The following DDX6 variants were observed in gnomAD, a reference collection of about 807,000 sequenced individuals.
DDX6 encodes the protein DEAD-box helicase 6.
Under a neutral mutation model 60.6 loss-of-function variants are expected in DDX6, and 7 were observed. The observed-to-expected ratio is 0.12, with a 90% confidence interval of 0.07 to 0.22. The LOEUF is 0.22. Among genes scored for constraint, DDX6 ranks in the 10% least tolerant of loss-of-function variants. The pLI, the probability that DDX6 is intolerant of heterozygous loss-of-function variation, is 1.00. For missense variants in DDX6, 270 were observed against 589.9 expected (o/e 0.46, Z 5.62); for synonymous variants, 207 against 201.0 (o/e 1.03, Z -0.25).
At chr11:118,785,176 G>C (rs1416789406) in intron 2 of DDX6, among the ~76,000 whole-genome samples, 4 of 152,072 alleles carry the variant, frequency 2.6e-5, no homozygotes, top group African/African-American at 9.7e-5. Context: ...TTCAAATATT[G>C]TAATTTAAAC....
In DDX6 at chr11:118,749,506, T is replaced by A. The variant is rs1860680799; in HGVS notation, c.*2599A>T. 1 of 152,264 alleles carries A rather than the reference T, an allele frequency of 6.6e-6. No individual in the cohort carries two copies. Among genetic ancestry groups the A allele is most frequent in the Non-Finnish European group, 1.5e-5 (1 of 68,022 alleles). The allele number at this position is 152,264 out of a possible 1,614,324, so 9.4% of individuals were successfully genotyped here. A position where few individuals can be genotyped will look rare whatever the true frequency, so the allele number is the denominator to read the frequency against. On this transcript the variant is annotated 3_prime_UTR_variant, in exon 14 of 14. Coordinates refer to ENST00000534980, the MANE Select transcript of DDX6 (RefSeq NM_004397.6). The stretch of plus-strand genomic sequence containing the variant: ...TCCAGTAGTGGTGTCCCAGATAGTT[T>A]AAGTGCCACTCCTCATTAGAGGCTA...
In DDX6 at chr11:118,757,174, C is replaced by A; in HGVS notation, c.1107G>T (p.Arg369Ser). Reference protein sequence around the residue: ...YSCFYIHAKMRQEHRNRVFHD... With the variant: ...YSCFYIHAKMSQEHRNRVFHD... ...CAAGTTCTAGTTTTATACTCACCTG[C>A]CTCATTTTAGCATGAATATAGAAGC... The change falls in exon 10 of 14, where the codon AGG (arginine) becomes AGT (serine). Residue 369 changes from arginine (R) to serine (S), a missense_variant. Physicochemically the swap from Arg to Ser is moderately radical, Grantham distance 110. Coordinates refer to ENST00000534980, the MANE Select transcript of DDX6 (RefSeq NM_004397.6). 1 of 1,514,134 alleles carries A rather than the reference C, an allele frequency of 6.6e-7. No homozygotes were observed. Among genetic ancestry groups the A allele is most frequent in the Non-Finnish European group, 8.9e-7 (1 of 1,121,888 alleles). 93.8% of individuals were successfully genotyped at this position (1,514,134 alleles called of 1,614,324 possible).
intron 9 of DDX6, among the ~76,000 whole-genome samples, chr11:118,758,014 C>T (rs1555159366): frequency 6.6e-6 from 1 of 152,156 alleles, no homozygotes; most frequent in Non-Finnish European, 1.5e-5. Flanking sequence ...ACATGGCAGA[C>T]TGTGAAAAGG....
chr11:118,763,838 T>TAA (rs58341763), intron 6 of DDX6, among the ~76,000 whole-genome samples: 2 of 134,374 alleles, frequency 1.5e-5, no homozygotes, highest in African/African-American at 5.6e-5. Flanking sequence ...TGTCTCAAAT[T>TAA]AAAAAAAAAA....
At chr11:118,779,213 A>G (rs1861805733) in intron 4 of DDX6, among the ~76,000 whole-genome samples, 1 of 151,812 alleles carries the variant, frequency 6.6e-6, no homozygotes, top group Admixed American at 6.6e-5. Flanking sequence ...TATTTTTAAT[A>G]TGCTGATGTC....
At chr11:118,778,847 G>A (rs1861790052) in intron 4 of DDX6, among the ~76,000 whole-genome samples, 1 of 151,940 alleles carries the variant, frequency 6.6e-6, no homozygotes, top group Non-Finnish European at 1.5e-5. Flanking sequence ...TAATTACTTG[G>A]GAATATCACA....
chr11:118,770,526 G>C (rs1861501963), intron 4 of DDX6, among the ~76,000 whole-genome samples: 1 of 152,104 alleles, frequency 6.6e-6, no homozygotes, highest in African/African-American at 2.4e-5. Flanking sequence ...TTTCTACCTA[G>C]AGCTCCAATC....
intron 1 of DDX6, chr11:118,788,708 G>C (rs543814887): frequency 1.3e-5 from 2 of 151,326 alleles, no homozygotes; most frequent in Admixed American, 1.3e-4. Context: ...TATTATTTTT[G>C]AGACAGAGTC....
intron 7 of DDX6, 51 bp downstream of exon 7, chr11:118,763,161 C>G (rs1166764389): frequency 2.3e-6 from 3 of 1,303,270 alleles, no homozygotes; most frequent in Non-Finnish European, 3.1e-6. Context: ...CAGTTATAAG[C>G]AAAGCACAGA....
intron 2 of DDX6, among the ~76,000 whole-genome samples, chr11:118,782,044 C>A (rs1342956174): frequency 6.6e-6 from 1 of 152,036 alleles, no homozygotes; most frequent in Non-Finnish European, 1.5e-5. Flanking sequence ...GAAACCCACT[C>A]TCTACCAAAA....
intron 3 of DDX6, among the ~76,000 whole-genome samples, chr11:118,780,018 A>G (rs1861837273): frequency 7.0e-6 from 1 of 142,274 alleles, no homozygotes; most frequent in African/African-American, 2.6e-5. Context: ...TGGGAGGCTG[A>G]GGCAGGAGAA....
intron 6 of DDX6, among the ~76,000 whole-genome samples, chr11:118,763,566 G>C (rs923532303): frequency 1.3e-5 from 2 of 152,246 alleles, no homozygotes; most frequent in East Asian, 3.9e-4. Context: ...GGGTGCAGTA[G>C]CTCATCCCTG....
In DDX6 at chr11:118,749,901, TG is replaced by T. The variant is rs1164506688; in HGVS notation, c.*2203del. 2 of 152,718 alleles carry T rather than the reference TG, an allele frequency of 1.3e-5. No homozygotes were observed. Among genetic ancestry groups the T allele is most frequent in the Non-Finnish European group, 2.9e-5 (2 of 68,024 alleles). The allele number at this position is 152,718 out of a possible 1,614,324, so 9.5% of individuals were successfully genotyped here. On this transcript the variant is annotated 3_prime_UTR_variant, in exon 14 of 14. Coordinates refer to ENST00000534980, the MANE Select transcript of DDX6 (RefSeq NM_004397.6). ...ATATGAGGCTTGGGTTCCAAATAGATGAGCTTGTTCTTTTTTGGGTTTGTAC... is the reference window on the plus strand; with the variant it reads ...ATATGAGGCTTGGGTTCCAAATAGATAGCTTGTTCTTTTTTGGGTTTGTAC...
chr11:118,767,398 TAA>T (rs1445234837), intron 5 of DDX6, among the ~76,000 whole-genome samples: 8 of 152,212 alleles, frequency 5.3e-5, no homozygotes, highest in African/African-American at 1.9e-4. Context: ...GCTAAAAATG[TAA>T]AGTTTCAGAG....
At chr11:118,753,231 G>C (rs79653015) in intron 13 of DDX6, among the ~76,000 whole-genome samples, 1 of 151,832 alleles carries the variant, frequency 6.6e-6, no homozygotes, top group Non-Finnish European at 1.5e-5. Flanking sequence ...GGTCTCACCA[G>C]GTTGGCCAGG....
rs994877150 is a variant in DDX6 at position 118,748,710 on chromosome 11, C to T, written c.*3395G>A. 6.6e-6 allele frequency: 1 copy of T among 151,928 alleles called. No homozygotes were observed. The highest frequency in any genetic ancestry group is 1.9e-4 in the East Asian group (1 of 5,164). 9.4% of individuals were successfully genotyped at this position (151,928 alleles called of 1,614,324 possible). A position where few individuals can be genotyped will look rare whatever the true frequency, so the allele number is the denominator to read the frequency against. ...CTAAATCCTTAGTGCAGACACCCTC[C>T]CTTCTGGGGCAAAGTACCCTCCCTC... On this transcript the variant is annotated 3_prime_UTR_variant, in exon 14 of 14. Transcript: ENST00000534980.
intron 1 of DDX6, chr11:118,789,066 G>A (rs934959085): frequency 1.5e-5 from 2 of 134,196 alleles, no homozygotes; most frequent in Admixed American, 8.9e-5. Context: ...ATTTAACCCC[G>A]TTACACTTTT....
At chr11:118,778,597 A>G (rs1361166963) in intron 4 of DDX6, among the ~76,000 whole-genome samples, 3 of 152,172 alleles carry the variant, frequency 2.0e-5, no homozygotes, top group African/African-American at 7.2e-5. Flanking sequence ...GGGTGGCCAT[A>G]GTATTATTGT....
chr11:118,754,158 A>G (rs1860882934), intron 13 of DDX6, among the ~76,000 whole-genome samples: 2 of 152,254 alleles, frequency 1.3e-5, no homozygotes, highest in South Asian at 4.1e-4. Context: ...ACAGTGGCAC[A>G]GTGGCTTGCG....
Sources: allele counts gnomAD v4.1 joint callset (sites outside exome capture counted in the v4.1 genomes callset), GRCh38; gene constraint gnomAD v4.1.1; transcripts MANE v1.5; gene names NCBI Gene and HGNC (gene_info 2026-07-23, HGNC 2026-07-21).